COPG2: variants seen among roughly 807,000 people sequenced by gnomAD.
The protein encoded by COPG2 is coatomer subunit gamma-2.
COPG2 carries 37 observed loss-of-function variants against 46.3 expected under a neutral mutation model. The ratio of observed to expected loss-of-function variants is 0.80; its 90% CI spans 0.61 to 1.05. The LOEUF (loss-of-function observed/expected upper bound fraction) is 1.05. Ranked by LOEUF, COPG2 falls within the 50% of genes least tolerant of loss-of-function variation. The pLI, the probability that COPG2 is intolerant of heterozygous loss-of-function variation, is 0.00. For synonymous variants in COPG2, 159 were observed against 129.7 expected (o/e 1.23, Z -1.53); for missense variants, 427 against 387.8 (o/e 1.10, Z -0.85).
chr7:130,600,009 A>T (rs1263640909), intron 9 of COPG2, among the ~76,000 whole-genome samples: 1 of 152,156 alleles, frequency 6.6e-6, no homozygotes, highest in African/African-American at 2.4e-5. Context: ...TCTAAATAGG[A>T]GGTCAATTTT....
At chr7:130,558,538 C>CTA (rs1394384785) in intron 12 of COPG2, among the ~76,000 whole-genome samples, 1 of 152,276 alleles carries the variant, frequency 6.6e-6, no homozygotes, top group African/African-American at 2.4e-5. Flanking sequence ...TGACAACATA[C>CTA]TAATACAGAA....
chr7:130,603,551 C>T (rs889346027), intron 9 of COPG2, among the ~76,000 whole-genome samples: 10 of 151,784 alleles, frequency 6.6e-5, no homozygotes, highest in Non-Finnish European at 1.2e-4. Flanking sequence ...CACACTCCGT[C>T]TCTACTAAAA....
chr7:130,659,354 C>CAGAAAAAAAAAAAA (rs1795924566), intron 4 of COPG2, among the ~76,000 whole-genome samples: 1 of 65,466 alleles, frequency 1.5e-5, no homozygotes, highest in Non-Finnish European at 2.8e-5. Flanking sequence ...GACTCCGTCT[C>CAGAAAAAAAAAAAA]AAAAAAAAAA....
chr7:130,555,658 T>TGG (rs1793609336), intron 12 of COPG2, among the ~76,000 whole-genome samples: 4 of 144,666 alleles, frequency 2.8e-5, no homozygotes, highest in Non-Finnish European at 6.2e-5. Context: ...GAAATACCGT[T>TGG]TCTACTAAAA....
intron 3 of COPG2, among the ~76,000 whole-genome samples, chr7:130,665,849 A>AG (rs1554461365): frequency 6.6e-6 from 1 of 151,528 alleles, no homozygotes; most frequent in Non-Finnish European, 1.5e-5. Flanking sequence ...AAAAAAAAAA[A>AG]GAAAAAGAAA....
chr7:130,634,902 G>A (rs1795305154), intron 5 of COPG2, among the ~76,000 whole-genome samples: 1 of 151,744 alleles, frequency 6.6e-6, no homozygotes, highest in Admixed American at 6.6e-5. Flanking sequence ...CTAGTTTTTT[G>A]AGAATTTTTA....
At chr7:130,613,272 T>C (rs765662218) in intron 7 of COPG2, among the ~76,000 whole-genome samples, 3 of 152,080 alleles carry the variant, frequency 2.0e-5, no homozygotes, top group Non-Finnish European at 4.4e-5. Context: ...CTGCTGCTGG[T>C]CTGGCAGGAG....
At chr7:130,621,580 G>A (rs942021408) in intron 5 of COPG2, among the ~76,000 whole-genome samples, 5 of 152,128 alleles carry the variant, frequency 3.3e-5, no homozygotes, top group African/African-American at 9.7e-5. Context: ...AGGCCAAGGC[G>A]GGTGGATCAC....
intron 9 of COPG2, among the ~76,000 whole-genome samples, chr7:130,602,510 T>C (rs544202137): frequency 6.6e-6 from 1 of 152,288 alleles, no homozygotes; most frequent in East Asian, 1.9e-4. Context: ...TCTCACTCTG[T>C]TGCCCAGGTT....
intron 20 of COPG2, among the ~76,000 whole-genome samples, chr7:130,513,341 A>ATATATATATATATATG (rs1215646008): frequency 1.2e-4 from 6 of 51,546 alleles, no homozygotes; most frequent in Admixed American, 2.5e-4. Flanking sequence ...ATATATATAT[A>ATATATATATATATATG]TGTGTGTGTG....
In COPG2 at chr7:130,588,720, A is replaced by G. The variant is rs190645403; in HGVS notation, c.737+22233T>C. Among the ~76,000 whole-genome samples, 1,002 of 152,228 alleles carry G rather than the reference A, an allele frequency of 6.6e-3. 8 individuals are homozygous for G. Among genetic ancestry groups the G allele is most frequent in the Middle Eastern group, 0.014 (4 of 294 alleles). On this transcript the variant is annotated intron_variant, in intron 9 of 23. Coordinates refer to ENST00000425248, the MANE Select transcript of COPG2 (RefSeq NM_012133.6). ...TAAATGACAAGTTAATGGGTGCAGC[A>G]CACCAGCATGGCACATGTATACATA...
At chr7:130,563,845 T>TA (rs1280807159) in intron 10 of COPG2, among the ~76,000 whole-genome samples, 21 of 150,770 alleles carry the variant, frequency 1.4e-4, no homozygotes, top group Non-Finnish European at 1.8e-4. Flanking sequence ...TTGCTCTTTT[T>TA]AAAAAAAAAT....
chr7:130,579,913 A>G (rs1238964129), intron 9 of COPG2, among the ~76,000 whole-genome samples: 4 of 152,002 alleles, frequency 2.6e-5, no homozygotes, highest in Non-Finnish European at 5.9e-5. Flanking sequence ...TTAACACCCC[A>G]CTGTCAACAT....
At chr7:130,577,855 G>C (rs1182444309) in intron 9 of COPG2, among the ~76,000 whole-genome samples, 2 of 151,780 alleles carry the variant, frequency 1.3e-5, no homozygotes, top group African/African-American at 4.9e-5. Flanking sequence ...CTACGCCCAC[G>C]GAATCTCGCT....
chr7:130,527,686 C>T (rs978924813), intron 20 of COPG2, among the ~76,000 whole-genome samples: 19 of 152,066 alleles, frequency 1.2e-4, no homozygotes, highest in African/African-American at 2.4e-4. Context: ...CTGGTGGACA[C>T]GGGAGGATGG....
chr7:130,553,787 G>C (rs1367825834), intron 14 of COPG2, among the ~76,000 whole-genome samples: 3 of 152,320 alleles, frequency 2.0e-5, no homozygotes, highest in Non-Finnish European at 4.4e-5. Context: ...TAAGAGTGAG[G>C]AGTGATGGAA....
intron 23 of COPG2, 69 bp downstream of exon 23, chr7:130,507,205 A>C: frequency 1.3e-6 from 1 of 769,546 alleles, no homozygotes; most frequent in Non-Finnish European, 2.4e-6. Context: ...AAGGCATAAG[A>C]TGCCCATCTA....
chr7:130,662,892 A>G, intron 4 of COPG2, 75 bp downstream of exon 4: 1 of 836,946 alleles, frequency 1.2e-6, no homozygotes, highest in Non-Finnish European at 1.9e-6. Context: ...TCCCTAATTT[A>G]GAACACTCTT....
intron 20 of COPG2, among the ~76,000 whole-genome samples, chr7:130,513,928 A>G (rs981325961): frequency 2.6e-5 from 4 of 152,218 alleles, no homozygotes; most frequent in Non-Finnish European, 4.4e-5. Flanking sequence ...ATACGGCCCC[A>G]TAAGTGTAAG....
Sources: allele counts gnomAD v4.1 joint callset (sites outside exome capture counted in the v4.1 genomes callset), GRCh38; gene constraint gnomAD v4.1.1; transcripts MANE v1.5; gene names NCBI Gene and HGNC (gene_info 2026-07-23, HGNC 2026-07-21).